MGAT4C: variants seen among roughly 807,000 people sequenced by gnomAD.
MGAT4C encodes the protein MGAT4 family member C, also known as alpha-1,3-mannosyl-glycoprotein 4-beta-N-acetylglucosaminyltransferase C.
In MGAT4C, 19 loss-of-function variants were observed where a neutral mutation model predicts 40.1. The observed-to-expected ratio is 0.47, with a 90% CI of 0.33 to 0.70. The LOEUF (loss-of-function observed/expected upper bound fraction) is 0.70. Ranked by LOEUF, MGAT4C falls within the 30% of genes least tolerant of loss-of-function variation. MGAT4C has a pLI of 0.02. For synonymous variants in MGAT4C, 181 were observed against 187.1 expected (o/e 0.97, Z 0.27); for missense variants, 491 against 563.2 (o/e 0.87, Z 1.30).
chr12:86,813,786 TACAAATCTTC>T (rs1204742281), intron 1 of MGAT4C, among the ~76,000 whole-genome samples: 1 of 152,158 alleles, frequency 6.6e-6, no homozygotes, highest in Non-Finnish European at 1.5e-5. Context: ...TTTCCAATTT[TACAAATCTTC>T]TCTTCCATAA....
chr12:86,227,804 C>T (rs1486519379), intron 1 of MGAT4C, among the ~76,000 whole-genome samples: 1 of 151,788 alleles, frequency 6.6e-6, no homozygotes, highest in African/African-American at 2.4e-5. Flanking sequence ...TCTATGATGG[C>T]AGAAGAGAAG....
At chr12:86,727,872 G>A (rs1320026114) in intron 1 of MGAT4C, among the ~76,000 whole-genome samples, 1 of 151,896 alleles carries the variant, frequency 6.6e-6, no homozygotes, top group Non-Finnish European at 1.5e-5. Context: ...CACAAAAGTA[G>A]TGATATGACC....
At chr12:86,165,516 G>C (rs772386638) in intron 1 of MGAT4C, among the ~76,000 whole-genome samples, 9 of 152,072 alleles carry the variant, frequency 5.9e-5, no homozygotes, top group Non-Finnish European at 4.4e-5. Context: ...TGTTCACAAA[G>C]GAAACTGTTT....
chr12:86,468,632 A>G (rs1458257575), intron 2 of MGAT4C, among the ~76,000 whole-genome samples: 3 of 152,156 alleles, frequency 2.0e-5, no homozygotes, highest in Non-Finnish European at 4.4e-5. Flanking sequence ...ATAAAGCCTT[A>G]CATGAACATA....
At chr12:86,064,612 G>A (rs1239290508) in intron 1 of MGAT4C, among the ~76,000 whole-genome samples, 1 of 152,062 alleles carries the variant, frequency 6.6e-6, no homozygotes, top group African/African-American at 2.4e-5. Context: ...GAGAAAGCAG[G>A]AGAGATCTAA....
At chr12:86,425,395 C>T (rs778765474) in intron 3 of MGAT4C, among the ~76,000 whole-genome samples, 7 of 152,092 alleles carry the variant, frequency 4.6e-5, no homozygotes, top group Non-Finnish European at 5.9e-5. Context: ...AGCACTTCCT[C>T]GCTCTTGCTC....
intron 2 of MGAT4C, among the ~76,000 whole-genome samples, chr12:86,010,511 C>G (rs1888349418): frequency 6.6e-6 from 1 of 152,096 alleles, no homozygotes; most frequent in South Asian, 2.1e-4. Flanking sequence ...AACCCCGTCT[C>G]TACTAAAAAT....
chr12:86,114,500 T>C (rs1878035287), intron 1 of MGAT4C, among the ~76,000 whole-genome samples: 1 of 151,972 alleles, frequency 6.6e-6, no homozygotes, highest in African/African-American at 2.4e-5. Context: ...ATCTGTTTCA[T>C]ATGGGCTCTC....
chr12:86,485,408 T>C (rs888687200), intron 2 of MGAT4C, among the ~76,000 whole-genome samples: 4 of 152,152 alleles, frequency 2.6e-5, no homozygotes, highest in African/African-American at 9.7e-5. Flanking sequence ...ACTTCTGGAA[T>C]TGAAAAAATC....
chr12:86,244,021 G>C (rs1043691731), intron 1 of MGAT4C, among the ~76,000 whole-genome samples: 1 of 152,132 alleles, frequency 6.6e-6, no homozygotes, highest in African/African-American at 2.4e-5. Flanking sequence ...GCTGCTGGTG[G>C]TGTTTGTCAT....
At chr12:86,699,996 C>T (rs1179252527) in intron 2 of MGAT4C, among the ~76,000 whole-genome samples, 1 of 149,032 alleles carries the variant, frequency 6.7e-6, no homozygotes, top group African/African-American at 2.5e-5. Context: ...TGGGCCTATG[C>T]AGTTCAAATC....
At chr12:86,068,740 T>C (rs1894800464) in intron 1 of MGAT4C, among the ~76,000 whole-genome samples, 1 of 151,988 alleles carries the variant, frequency 6.6e-6, no homozygotes, top group African/African-American at 2.4e-5. Context: ...TATGAGGCAT[T>C]CTCTTTACTA....
At chr12:86,506,464 A>G (rs1322962947) in intron 2 of MGAT4C, among the ~76,000 whole-genome samples, 1 of 152,236 alleles carries the variant, frequency 6.6e-6, no homozygotes, top group Non-Finnish European at 1.5e-5. Flanking sequence ...CCCACAGACC[A>G]AAAGCAGTAG....
chr12:86,633,629 G>A (rs1379437930), intron 2 of MGAT4C, among the ~76,000 whole-genome samples: 1 of 152,034 alleles, frequency 6.6e-6, no homozygotes, highest in African/African-American at 2.4e-5. Flanking sequence ...TTTCAGCTTT[G>A]CAGTTGTAGA....
intron 2 of MGAT4C, among the ~76,000 whole-genome samples, chr12:86,467,422 C>T (rs1194786866): frequency 6.6e-6 from 1 of 152,152 alleles, no homozygotes; most frequent in Non-Finnish European, 1.5e-5. Flanking sequence ...AATACCTTTG[C>T]ACTGTAATAT....
At chr12:86,720,770 G>C (rs1373761121) in intron 2 of MGAT4C, among the ~76,000 whole-genome samples, 1 of 152,146 alleles carries the variant, frequency 6.6e-6, no homozygotes, top group Non-Finnish European at 1.5e-5. Flanking sequence ...ATAATAGCAT[G>C]TTAAAAATGA....
intron 4 of MGAT4C, among the ~76,000 whole-genome samples, chr12:86,310,817 G>A (rs945358509): frequency 1.3e-5 from 2 of 152,092 alleles, no homozygotes; most frequent in African/African-American, 4.8e-5. Context: ...CCAGCTACTC[G>A]GGAGGCTGAG....
intron 4 of MGAT4C, among the ~76,000 whole-genome samples, chr12:86,330,137 TC>T (rs2136172161): frequency 6.6e-6 from 1 of 152,264 alleles, no homozygotes; most frequent in Non-Finnish European, 1.5e-5. Context: ...CCTTCTCCTG[TC>T]CCCTCTTTTG....
At chr12:86,571,663 A>C (rs1445025696) in intron 2 of MGAT4C, among the ~76,000 whole-genome samples, 1 of 152,092 alleles carries the variant, frequency 6.6e-6, no homozygotes, top group African/African-American at 2.4e-5. Flanking sequence ...GTACATGTGG[A>C]CACATGCATT....
Sources: allele counts gnomAD v4.1 joint callset (sites outside exome capture counted in the v4.1 genomes callset), GRCh38; gene constraint gnomAD v4.1.1; transcripts MANE v1.5; gene names NCBI Gene and HGNC (gene_info 2026-07-23, HGNC 2026-07-21).